The following NIN variants were observed in gnomAD, a reference collection of about 807,000 sequenced individuals.
NIN encodes ninein.
In NIN, 137 loss-of-function variants were observed where a neutral mutation model predicts 257.6. That is an observed-to-expected ratio of 0.53 (90% CI 0.46 to 0.61). The LOEUF (loss-of-function observed/expected upper bound fraction) is 0.61, where lower values mean the gene tolerates loss of function less well. Ranked by LOEUF, NIN falls within the 20% of genes least tolerant of loss-of-function variation. The pLI, the probability that NIN is intolerant of heterozygous loss-of-function variation, is 0.00. For missense variants in NIN, 2,439 were observed against 2,501.2 expected (o/e 0.98, Z 0.53); for synonymous variants, 918 against 919.8 (o/e 1.00, Z 0.04).
At position 50,772,391 on chromosome 14, in the gene NIN, G is replaced by A. The variant is rs768874578; in HGVS notation, c.891C>T (p.Cys297=). ...TSTIGFRVFS[C]LDDGMGHASV... ...ATGCATGGCCCATCCCATCATCCAG[G>A]CAGGAGAAGACCCGAAAGCCAATGG... The change falls in exon 9 of 31, where the codon TGC becomes TGT. Residue 297 remains cysteine (C), a synonymous_variant. Coordinates refer to ENST00000530997, the MANE Select transcript of NIN (RefSeq NM_020921.4). 3 of 1,614,144 alleles carry A rather than the reference G, an allele frequency of 1.9e-6. No homozygotes were observed. Among genetic ancestry groups the A allele is most frequent in the Non-Finnish European group, 2.5e-6 (3 of 1,179,984 alleles).
At chr14:50,824,749 C>T (rs773887693) in intron 2 of NIN, among the ~76,000 whole-genome samples, 3 of 152,110 alleles carry the variant, frequency 2.0e-5, no homozygotes, top group South Asian at 2.1e-4. Context: ...TGAGAGGAAA[C>T]GTACCCTAAA....
intron 4 of NIN, among the ~76,000 whole-genome samples, chr14:50,803,819 C>T (rs936356171): frequency 2.6e-5 from 4 of 152,046 alleles, no homozygotes; most frequent in African/African-American, 9.7e-5. Context: ...GCATTTGAAT[C>T]CTGACCCTAC....
At chr14:50,783,601 G>A (rs1276175887) in intron 5 of NIN, among the ~76,000 whole-genome samples, 3 of 151,730 alleles carry the variant, frequency 2.0e-5, no homozygotes, top group Admixed American at 6.6e-5. Flanking sequence ...TTAATAAGAG[G>A]GAGAAAAGCA....
chr14:50,823,004 GTC>G (rs2045296793), intron 2 of NIN, among the ~76,000 whole-genome samples: 1 of 152,008 alleles, frequency 6.6e-6, no homozygotes, highest in Non-Finnish European at 1.5e-5. Context: ...CCTGTGTTCC[GTC>G]TCTCTCACCT....
intron 3 of NIN, among the ~76,000 whole-genome samples, chr14:50,816,928 A>G (rs1278107277): frequency 6.6e-6 from 1 of 152,110 alleles, no homozygotes; most frequent in African/African-American, 2.4e-5. Flanking sequence ...GTACACAAAA[A>G]CGCACTTAAT....
intron 4 of NIN, among the ~76,000 whole-genome samples, chr14:50,804,426 C>T (rs2044232128): frequency 6.6e-6 from 1 of 152,294 alleles, no homozygotes; most frequent in African/African-American, 2.4e-5. Flanking sequence ...ATAAATGCTA[C>T]AAGAAATGCT....
intron 4 of NIN, among the ~76,000 whole-genome samples, chr14:50,795,860 T>C (rs1317159169): frequency 6.6e-6 from 1 of 152,124 alleles, no homozygotes; most frequent in Non-Finnish European, 1.5e-5. Context: ...GTGACTGTAG[T>C]CCCAGAAACT....
intron 4 of NIN, among the ~76,000 whole-genome samples, chr14:50,795,335 A>G (rs2043790656): frequency 6.6e-6 from 1 of 152,256 alleles, no homozygotes; most frequent in African/African-American, 2.4e-5. Flanking sequence ...CATTGCACTT[A>G]ACATGATACG....
At position 50,759,916 on chromosome 14, in the gene NIN, C is replaced by T; in HGVS notation, c.2340G>A (p.Glu780=). 6.2e-7 allele frequency: 1 copy of T among 1,614,150 alleles called. No individual in the cohort carries two copies. Among genetic ancestry groups the T allele is most frequent in the Non-Finnish European group, 8.5e-7 (1 of 1,180,006 alleles). Reference sequence around the variant, plus strand: ...AGAGCTCTTTTCTTAACTCCTCTTTCTCAAGAGTGTGTTTCTCCACCAGGC... The same window carrying T: ...AGAGCTCTTTTCTTAACTCCTCTTTTTCAAGAGTGTGTTTCTCCACCAGGC... ...LTSLVEKHTL[E]KEELRKELLE... The change falls in exon 17 of 31, where the codon GAG becomes GAA. Residue 780 remains glutamate, a synonymous_variant. Coordinates refer to ENST00000530997, the MANE Select transcript of NIN (RefSeq NM_020921.4).
Position 50,778,780 on chromosome 14 carries a change from C to A in NIN, c.460G>T (p.Glu154Ter). 1 of 1,614,118 alleles carries A rather than the reference C, an allele frequency of 6.2e-7. No individual in the cohort carries two copies. ...SEHWKTQRSE[E>*]YEAEGQLRFW... ...CGGCTCTTACCTTCCGCTTCATACTCCTCACTGCGTTGCGTCTTCCAGTGC... is the reference window on the plus strand; with the variant it reads ...CGGCTCTTACCTTCCGCTTCATACTACTCACTGCGTTGCGTCTTCCAGTGC... Residue 154 changes from glutamate (E) to a stop codon, truncating the protein, a stop_gained, in exon 6 of 31, where the codon GAG (glutamate) becomes TAG (stop). Coordinates refer to ENST00000530997, the MANE Select transcript of NIN (RefSeq NM_020921.4). LOFTEE classifies it high-confidence loss of function.
rs1467507079 is a variant in NIN, at chr14:50,828,589, C to T, written c.-22+1875G>A. 3.3e-5 allele frequency among the ~76,000 whole-genome samples: 5 copies of T among 152,318 alleles called. No homozygotes were observed. In the East Asian group the frequency reaches 9.6e-4, roughly 29 times the overall value. On this transcript the variant is annotated intron_variant, in intron 2 of 30. Transcript: ENST00000530997. ...AAAAATAAGCCTTCTAAAAAGGCTT[C>T]ACGCTGTTTAAATCCTTCTAAAATG... is the stretch of plus-strand genomic sequence containing the variant.
intron 20 of NIN, among the ~76,000 whole-genome samples, chr14:50,754,325 A>T (rs566089445): frequency 1.3e-5 from 2 of 152,294 alleles, no homozygotes; most frequent in South Asian, 4.1e-4. Context: ...AATTCTGCTG[A>T]TGATAAAGCT....
Position 50,756,891 on chromosome 14 carries a change from A to G in NIN, c.4139T>C (p.Val1380Ala). 6.4e-7 allele frequency: 1 copy of G among 1,555,008 alleles called. No individual in the cohort carries two copies. The highest frequency in any genetic ancestry group is 8.7e-7 in the Non-Finnish European group (1 of 1,148,276). The change falls in exon 18 of 31, where the codon GTA (valine) becomes GCA (alanine). Residue 1380 changes from valine to alanine, a missense_variant. By Grantham distance (64) the Val-to-Ala change is moderately conservative (BLOSUM62 0). Transcript: ENST00000530997. ...LEECVPRVRS[V>A]HHVIEECKQE... Reference sequence around the variant, plus strand: ...CTTACATTCCTCTATGACATGATGTACACTCCTAACCCTGGGCACACACTC... The same window carrying G: ...CTTACATTCCTCTATGACATGATGTGCACTCCTAACCCTGGGCACACACTC...
chr14:50,723,420 A>AT lies in NIN; in HGVS notation c.*42dup. ...TGAGAACCTACTGAAATGTTCATCT[A>AT]TTTCAGTAAAGTGCACAAATATGAG... On this transcript the variant is annotated 3_prime_UTR_variant, in exon 31 of 31. Coordinates refer to ENST00000530997, the MANE Select transcript of NIN (RefSeq NM_020921.4). 1 of 1,545,902 alleles carries AT rather than the reference A, an allele frequency of 6.5e-7. No homozygotes were observed. Among genetic ancestry groups the AT allele is most frequent in the Non-Finnish European group, 8.9e-7 (1 of 1,122,938 alleles).
intron 3 of NIN, among the ~76,000 whole-genome samples, chr14:50,815,694 G>A (rs1450434001): frequency 6.6e-6 from 1 of 152,176 alleles, no homozygotes; most frequent in East Asian, 1.9e-4. Context: ...TATATACCAT[G>A]GAATACTATG....
At position 50,770,359 on chromosome 14, in the gene NIN, G is replaced by A. The variant is rs200132703; in HGVS notation, c.1434+29C>T. On this transcript the variant is annotated intron_variant, in intron 12 of 30. Coordinates refer to ENST00000530997, the MANE Select transcript of NIN (RefSeq NM_020921.4). ...TCCACGTGGTGTTCCCGGCAGGGAC[G>A]CAGACCACAGAACTAATAAGATGAT... 1.4e-3 allele frequency: 2,275 copies of A among 1,603,968 alleles called. 36 individuals carry two copies. In the South Asian group the frequency reaches 0.018, roughly 13 times the overall value.
chr14:50,762,026 G>A, intron 15 of NIN, 115 bp from the exon 16 acceptor site: 1 of 1,121,928 alleles, frequency 8.9e-7, no homozygotes, highest in Non-Finnish European at 1.3e-6. Context: ...TGAATTACCA[G>A]AGATGTGAAC....
intron 4 of NIN, among the ~76,000 whole-genome samples, chr14:50,795,695 G>A (rs2043807857): frequency 6.6e-6 from 1 of 152,204 alleles, no homozygotes; most frequent in South Asian, 2.1e-4. Flanking sequence ...GAGGCTTTTG[G>A]TTTATTAAGA....
chr14:50,756,604 C>T lies in NIN; in HGVS notation c.4426G>A (p.Val1476Ile). Residue 1476 changes from valine (V) to isoleucine (I), a missense_variant, in exon 18 of 31, where the codon GTT (valine) becomes ATT (isoleucine). By Grantham distance (29) the Val-to-Ile change is conservative. Transcript: ENST00000530997. ...RKLKERVTILVKQKDVLSHGE... is the reference protein window; with the variant it reads ...RKLKERVTILIKQKDVLSHGE... ...TGAGAAAGTACATCTTTTTGCTTAA[C>T]TAAAATAGTGACTCTCTCCTTCAAC... 5 of 1,588,592 alleles carry T rather than the reference C, an allele frequency of 3.1e-6. No homozygotes were observed. The highest frequency in any genetic ancestry group is 1.1e-5 in the South Asian group (1 of 88,254).
Sources: gnomAD v4.1 joint callset for allele counts (sites outside exome capture counted in the v4.1 genomes callset) on GRCh38, gnomAD v4.1.1 for gene constraint, MANE v1.5 for transcripts, NCBI Gene and HGNC (gene_info 2026-07-23, HGNC 2026-07-21) for gene names.